Variants in SCHIP1 observed in about 807,000 individuals in gnomAD.
SCHIP1 encodes the protein schwannomin interacting protein 1.
Under a neutral mutation model 29.7 loss-of-function variants are expected in SCHIP1, and 8 were observed. The ratio of observed to expected loss-of-function variants is 0.27; its 90% CI spans 0.16 to 0.49. The LOEUF is 0.49. SCHIP1 is among the 20% of genes least tolerant of loss of function. The probability of loss-of-function intolerance (pLI) is 0.99; values close to 1 mark genes in which losing one functional copy is unlikely to be tolerated. For missense variants in SCHIP1, 193 were observed against 294.6 expected, an observed-to-expected ratio of 0.66 and a Z score of 2.52; for synonymous variants, 76 against 94.9, an observed-to-expected ratio of 0.80 and a Z score of 1.16.
the SCHIP1 span, among the ~76,000 whole-genome samples, chr3:159,454,839 C>T: frequency 6.6e-6 from 1 of 152,182 alleles, no homozygotes; most frequent in African/African-American, 2.4e-5. Flanking sequence ...GGTCTTTTGT[C>T]ACCATCCAAC....
intron 3 of SCHIP1, chr3:159,887,431 A>G (rs1022993775): frequency 2.7e-6 from 1 of 368,822 alleles, no homozygotes; most frequent in Non-Finnish European, 5.0e-6. Flanking sequence ...TCACTTCAGG[A>G]AAGTTTTGAG....
chr3:159,684,215 A>G, the SCHIP1 span, among the ~76,000 whole-genome samples: 2 of 152,252 alleles, frequency 1.3e-5, no homozygotes, highest in East Asian at 1.9e-4. Flanking sequence ...GACCACCCCT[A>G]CATTCCAGAA....
the SCHIP1 span, chr3:159,273,637 G>A: frequency 7.5e-7 from 1 of 1,335,116 alleles, no homozygotes; most frequent in Non-Finnish European, 9.6e-7. Context: ...AATCTACTTT[G>A]AGCTGCTTGA....
At chr3:159,870,602 AT>A (rs1448591801) in intron 2 of SCHIP1, among the ~76,000 whole-genome samples, 1 of 151,920 alleles carries the variant, frequency 6.6e-6, no homozygotes, top group African/African-American at 2.4e-5. Context: ...GGAGTATTAT[AT>A]TTTTTCAGAT....
chr3:159,414,803 T>G, the SCHIP1 span, among the ~76,000 whole-genome samples: 1 of 152,118 alleles, frequency 6.6e-6, no homozygotes, highest in Non-Finnish European at 1.5e-5. Flanking sequence ...AGGCATTAGA[T>G]TCTCATAAGA....
chr3:159,492,549 G>A, the SCHIP1 span, among the ~76,000 whole-genome samples: 1 of 151,976 alleles, frequency 6.6e-6, no homozygotes. Context: ...GAAGTTTAGA[G>A]AAAAAAGAAT....
the SCHIP1 span, among the ~76,000 whole-genome samples, chr3:159,798,313 A>T: frequency 6.6e-6 from 1 of 152,212 alleles, no homozygotes; most frequent in African/African-American, 2.4e-5. Flanking sequence ...CTTAATTTTG[A>T]CATCTGTAAA....
chr3:159,323,967 A>C, the SCHIP1 span, among the ~76,000 whole-genome samples: 2 of 152,164 alleles, frequency 1.3e-5, no homozygotes, highest in Non-Finnish European at 2.9e-5. Flanking sequence ...GTCAGTTATT[A>C]ATCAATAACT....
At chr3:159,518,864 C>T in the SCHIP1 span, among the ~76,000 whole-genome samples, 2 of 152,028 alleles carry the variant, frequency 1.3e-5, no homozygotes, top group Admixed American at 1.3e-4. Context: ...ATAATTTATT[C>T]TCATTAAATT....
the SCHIP1 span, among the ~76,000 whole-genome samples, chr3:159,468,090 C>G: frequency 6.6e-6 from 1 of 152,040 alleles, no homozygotes; most frequent in Admixed American, 6.6e-5. Flanking sequence ...GTTTATTTGT[C>G]AAAGTCTATA....
At chr3:159,323,039 C>T in the SCHIP1 span, among the ~76,000 whole-genome samples, 327 of 152,262 alleles carry the variant, frequency 2.1e-3, no homozygotes, top group African/African-American at 7.1e-3. Flanking sequence ...CTGATAGCGG[C>T]GGACTGGGAA....
chr3:159,799,460 A>G, the SCHIP1 span, among the ~76,000 whole-genome samples: 1 of 152,262 alleles, frequency 6.6e-6, no homozygotes, highest in African/African-American at 2.4e-5. Context: ...TTTATCCAAT[A>G]AAAGTCTCCT....
chr3:159,781,377 T>C, the SCHIP1 span, among the ~76,000 whole-genome samples: 1 of 152,182 alleles, frequency 6.6e-6, no homozygotes, highest in Non-Finnish European at 1.5e-5. Flanking sequence ...GGTTTCACTA[T>C]GTTGGCCAGG....
chr3:159,294,168 A>T, the SCHIP1 span, among the ~76,000 whole-genome samples: 1 of 152,190 alleles, frequency 6.6e-6, no homozygotes, highest in Non-Finnish European at 1.5e-5. Context: ...GGAAACTGCT[A>T]TTCTAGTATG....
chr3:159,609,486 A>T, the SCHIP1 span, among the ~76,000 whole-genome samples: 2 of 152,182 alleles, frequency 1.3e-5, no homozygotes, highest in Admixed American at 1.3e-4. Flanking sequence ...CCTGTGTTTT[A>T]GCTGAGTGTG....
the SCHIP1 span, among the ~76,000 whole-genome samples, chr3:159,468,981 T>G: frequency 1.5e-3 from 233 of 151,878 alleles, 1 homozygote; most frequent in African/African-American, 5.4e-3. Context: ...TTAGCCCGGA[T>G]GGTCTCGCTC....
chr3:159,290,607 CAAAG>C, the SCHIP1 span, among the ~76,000 whole-genome samples: 1 of 151,836 alleles, frequency 6.6e-6, no homozygotes, highest in East Asian at 1.9e-4. Flanking sequence ...CATAACCACA[CAAAG>C]AAAAAAATTA....
At chr3:159,645,492 T>C in the SCHIP1 span, among the ~76,000 whole-genome samples, 2 of 152,180 alleles carry the variant, frequency 1.3e-5, no homozygotes, top group South Asian at 2.1e-4. Flanking sequence ...TTTTACATGC[T>C]AGAATGGATA....
At chr3:159,372,492 A>AT in the SCHIP1 span, among the ~76,000 whole-genome samples, 2 of 152,096 alleles carry the variant, frequency 1.3e-5, no homozygotes, top group African/African-American at 4.8e-5. Context: ...ATTTTAGAAT[A>AT]TTTTTTAAGT....
Sources: gnomAD v4.1 joint callset for allele counts (sites outside exome capture counted in the v4.1 genomes callset) on GRCh38, gnomAD v4.1.1 for gene constraint, MANE v1.5 for transcripts, NCBI Gene and HGNC (gene_info 2026-07-23, HGNC 2026-07-21) for gene names.